Variants in SMIM19 observed in about 807,000 individuals in gnomAD.
SMIM19 encodes the protein small integral membrane protein 19.
In SMIM19, 6 loss-of-function variants were observed where a neutral mutation model predicts 13.2. The observed-to-expected ratio is 0.45, with a 90% confidence interval of 0.25 to 0.90. The LOEUF (loss-of-function observed/expected upper bound fraction) is 0.90, where lower values mean the gene tolerates loss of function less well. SMIM19 is among the 40% of genes least tolerant of loss of function. SMIM19 has a pLI of 0.19. For synonymous variants in SMIM19, 46 were observed against 43.1 expected (o/e 1.07, Z -0.27); for missense variants, 138 against 131.0 (o/e 1.05, Z -0.26).
chr8:42,552,276 G>A (rs1289243380), intron 3 of SMIM19, among the ~76,000 whole-genome samples: 1 of 152,018 alleles, frequency 6.6e-6, no homozygotes, highest in Non-Finnish European at 1.5e-5. Flanking sequence ...AAATTAGCCG[G>A]GTGTGGTGGT....
chr8:42,546,638 C>T (rs2131492036), intron 2 of SMIM19, 32 bp downstream of exon 2: 1 of 1,588,996 alleles, frequency 6.3e-7, no homozygotes, highest in South Asian at 1.2e-5. Flanking sequence ...TAGATAAAAA[C>T]TGTGCATTTA....
chr8:42,549,281 G>A (rs112127053), intron 3 of SMIM19, among the ~76,000 whole-genome samples: 1,816 of 152,130 alleles, frequency 0.012, 37 homozygotes, highest in African/African-American at 0.042. Context: ...GCACACTTGC[G>A]GGTGCCTGTC....
chr8:42,543,578 A>G (rs1003313941), intron 1 of SMIM19, among the ~76,000 whole-genome samples: 1 of 152,216 alleles, frequency 6.6e-6, no homozygotes, highest in Admixed American at 6.5e-5. Flanking sequence ...CCTAAGTGTA[A>G]TTAAAGACCT....
At chr8:42,547,726 A>G (rs1423604047) in intron 2 of SMIM19, among the ~76,000 whole-genome samples, 1 of 152,198 alleles carries the variant, frequency 6.6e-6, no homozygotes, top group East Asian at 1.9e-4. Flanking sequence ...TGTGCCATAT[A>G]GTGTAAATCT....
Position 42,548,777 on chromosome 8 carries a change from A to G in SMIM19, c.256A>G (p.Ile86Val), listed in dbSNP as rs775737921. Residue 86 changes from isoleucine to valine, a missense_variant, in exon 3 of 4, where the codon ATT becomes GTT. By Grantham distance (29) the Ile-to-Val change is conservative. Coordinates refer to ENST00000417410, the MANE Select transcript of SMIM19 (RefSeq NM_001135674.2). ...RLRQQLEMYS[I>V]SRKYDYQQPQ... Reference sequence around the variant, plus strand: ...AAGACAACAACTGGAAATGTATTCCATTTGTAAGTATATTCTGTGCTGAAA... The same window carrying G: ...AAGACAACAACTGGAAATGTATTCCGTTTGTAAGTATATTCTGTGCTGAAA... The G allele has an allele frequency of 3.5e-5, 56 of 1,613,248 alleles. No homozygotes were observed. Among genetic ancestry groups the G allele is most frequent in the Non-Finnish European group, 4.7e-5 (56 of 1,179,664 alleles).
chr8:42,548,649 T>C lies in SMIM19; in HGVS notation c.135-7T>C. 1 of 1,613,454 alleles carries C rather than the reference T, an allele frequency of 6.2e-7. No homozygotes were observed. The highest frequency in any genetic ancestry group is 8.5e-7 in the Non-Finnish European group (1 of 1,179,732). On this transcript the variant is annotated splice_polypyrimidine_tract_variant and splice_region_variant and intron_variant, in intron 2 of 3. Transcript: ENST00000417410. ...AAACATCTCTTCTGCATGGATTTTG[T>C]GTTTAGGAACAAAAGGAGAATTATG...
At chr8:42,546,020 G>A (rs1813466950) in intron 1 of SMIM19, among the ~76,000 whole-genome samples, 1 of 152,100 alleles carries the variant, frequency 6.6e-6, no homozygotes. Flanking sequence ...GCAGTCCTTG[G>A]TATTTGGGAG....
At chr8:42,548,562 T>C in intron 2 of SMIM19, 94 bp from the exon 3 acceptor site, 1 of 1,531,444 alleles carries the variant, frequency 6.5e-7, no homozygotes, top group Non-Finnish European at 9.0e-7. Context: ...ATTTAAGTCC[T>C]TTTACCACAG....
intron 3 of SMIM19, among the ~76,000 whole-genome samples, chr8:42,550,859 C>A (rs531692204): frequency 6.6e-6 from 1 of 152,058 alleles, no homozygotes; most frequent in African/African-American, 2.4e-5. Context: ...CCTTAGTGTT[C>A]GTGATGTATT....
At chr8:42,543,540 CTA>C (rs2131485822) in intron 1 of SMIM19, among the ~76,000 whole-genome samples, 1 of 152,262 alleles carries the variant, frequency 6.6e-6, no homozygotes, top group Admixed American at 6.5e-5. Flanking sequence ...TTTTACCGTT[CTA>C]TGTCAGCAGT....
chr8:42,554,268 G>A lies in SMIM19; in HGVS notation c.*1660G>A, dbSNP rs1277357093. 6.6e-6 allele frequency: 1 copy of A among 152,220 alleles called. No homozygotes were observed. Among genetic ancestry groups the A allele is most frequent in the African/African-American group, 2.4e-5 (1 of 41,458 alleles). The allele number at this position is 152,220 out of a possible 1,614,324, so 9.4% of individuals were successfully genotyped here. On this transcript the variant is annotated 3_prime_UTR_variant, in exon 4 of 4. Coordinates refer to ENST00000417410, the MANE Select transcript of SMIM19 (RefSeq NM_001135674.2). The stretch of plus-strand genomic sequence containing the variant: ...TAAACAGTTGTAATTATGGGTTGTA[G>A]TAACAGAGCAACAAGGGGACAATCT...
intron 2 of SMIM19, chr8:42,548,416 G>A: frequency 1.8e-6 from 1 of 546,690 alleles, no homozygotes; most frequent in South Asian, 1.5e-5. Flanking sequence ...CACAATGGAG[G>A]AACTTCACTT....
chr8:42,552,042 A>G (rs1813693004), intron 3 of SMIM19, among the ~76,000 whole-genome samples: 1 of 152,248 alleles, frequency 6.6e-6, no homozygotes, highest in African/African-American at 2.4e-5. Flanking sequence ...ACATATAAAA[A>G]TGGGCATCAG....
At chr8:42,542,810 T>TA (rs1280537563) in intron 1 of SMIM19, among the ~76,000 whole-genome samples, 3 of 140,490 alleles carry the variant, frequency 2.1e-5, no homozygotes, top group African/African-American at 9.2e-5. Flanking sequence ...ACCCCCGTCT[T>TA]TAAAAAAAAA....
chr8:42,552,791 G>T lies in SMIM19; in HGVS notation c.*183G>T. On this transcript the variant is annotated 3_prime_UTR_variant, in exon 4 of 4. Transcript: ENST00000417410. Reference sequence around the variant, plus strand: ...ATCTCCAAGTGGCTCAAAAGGCCTTGACACAGGGAACCTGCACATATCCAG... The same window carrying T: ...ATCTCCAAGTGGCTCAAAAGGCCTTTACACAGGGAACCTGCACATATCCAG... 1 of 632,480 alleles carries T rather than the reference G, an allele frequency of 1.6e-6. No homozygotes were observed. The highest frequency in any genetic ancestry group is 2.7e-6 in the Non-Finnish European group (1 of 372,824). 39.2% of individuals were successfully genotyped at this position (632,480 alleles called of 1,614,324 possible).
intron 2 of SMIM19, among the ~76,000 whole-genome samples, chr8:42,547,164 C>T (rs570942817): frequency 2.6e-5 from 4 of 151,580 alleles, no homozygotes; most frequent in Non-Finnish European, 4.4e-5. Flanking sequence ...AGTTCAAGAC[C>T]AGTCTGGCCA....
rs947567309 is a variant in SMIM19 at position 42,554,969 on chromosome 8, T to A, written c.*2361T>A. On this transcript the variant is annotated 3_prime_UTR_variant, in exon 4 of 4. Transcript: ENST00000417410. ...GCTGCGTGAAGGGGAGAAGGCCGCCTCCAAGGACACAGATGTTTGCTGTTG... is the reference window on the plus strand; with the variant it reads ...GCTGCGTGAAGGGGAGAAGGCCGCCACCAAGGACACAGATGTTTGCTGTTG... 5 of 152,196 alleles carry A rather than the reference T, an allele frequency of 3.3e-5. No individual in the cohort carries two copies. The highest frequency in any genetic ancestry group is 7.3e-5 in the Non-Finnish European group (5 of 68,034). 9.4% of individuals were successfully genotyped at this position (152,196 alleles called of 1,614,324 possible).
chr8:42,551,752 G>T (rs1447421630), intron 3 of SMIM19, among the ~76,000 whole-genome samples: 1 of 152,020 alleles, frequency 6.6e-6, no homozygotes, highest in Non-Finnish European at 1.5e-5. Flanking sequence ...AGACCAGCCT[G>T]GGCAACATGG....
At chr8:42,544,558 A>C (rs1433455759) in intron 1 of SMIM19, among the ~76,000 whole-genome samples, 3 of 76,916 alleles carry the variant, frequency 3.9e-5, no homozygotes, top group African/African-American at 8.4e-5. Flanking sequence ...AATTTTTACA[A>C]CTTAATTTCT....
Sources: allele counts gnomAD v4.1 joint callset (sites outside exome capture counted in the v4.1 genomes callset), GRCh38; gene constraint gnomAD v4.1.1; transcripts MANE v1.5; gene names NCBI Gene and HGNC (gene_info 2026-07-23, HGNC 2026-07-21).